Variants in CLASP1 observed in about 807,000 individuals in gnomAD.
CLASP1 encodes the protein cytoplasmic linker associated protein 1.
CLASP1 carries 38 observed loss-of-function variants against 192.3 expected under a neutral mutation model. The ratio of observed to expected loss-of-function variants is 0.20; its 90% confidence interval spans 0.15 to 0.26. The LOEUF is 0.26. Among genes scored for constraint, CLASP1 ranks in the 10% least tolerant of loss-of-function variants. CLASP1 has a pLI of 1.00. For missense variants in CLASP1, 1,433 were observed against 1,932.5 expected, an observed-to-expected ratio of 0.74 and a Z score of 4.85; for synonymous variants, 691 against 712.8, an observed-to-expected ratio of 0.97 and a Z score of 0.49.
intron 37 of CLASP1, among the ~76,000 whole-genome samples, chr2:121,355,171 CAG>C (rs1440974779): frequency 3.3e-5 from 5 of 152,108 alleles, no homozygotes; most frequent in East Asian, 1.9e-4. Flanking sequence ...TATTTTGAGA[CAG>C]AGTCTTGCTC....
intron 6 of CLASP1, among the ~76,000 whole-genome samples, chr2:121,523,265 T>C (rs2094497723): frequency 6.6e-6 from 1 of 152,254 alleles, no homozygotes; most frequent in Non-Finnish European, 1.5e-5. Flanking sequence ...TATCTTAAAC[T>C]CTTAAACAAC....
intron 1 of CLASP1, among the ~76,000 whole-genome samples, chr2:121,644,114 G>C (rs1224811463): frequency 1.3e-5 from 2 of 152,060 alleles, no homozygotes; most frequent in African/African-American, 4.8e-5. Flanking sequence ...ACAACCTATA[G>C]GTAGGTGCTA....
intron 1 of CLASP1, among the ~76,000 whole-genome samples, chr2:121,632,230 C>T (rs2106241323): frequency 6.6e-6 from 1 of 152,000 alleles, no homozygotes; most frequent in African/African-American, 2.4e-5. Flanking sequence ...GGCGACAGAG[C>T]TTTGTCTCAA....
intron 2 of CLASP1, among the ~76,000 whole-genome samples, chr2:121,602,051 T>C (rs2063846404): frequency 6.6e-6 from 1 of 151,874 alleles, no homozygotes; most frequent in Non-Finnish European, 1.5e-5. Context: ...GGTGCACGCC[T>C]GCAGTACCAG....
At chr2:121,537,405 A>G (rs181276337) in intron 2 of CLASP1, among the ~76,000 whole-genome samples, 12 of 151,202 alleles carry the variant, frequency 7.9e-5, no homozygotes, top group South Asian at 2.1e-4. Flanking sequence ...GAAAAAAAAA[A>G]AGAGAGAGAG....
intron 7 of CLASP1, chr2:121,505,501 C>T (rs1413887365): frequency 6.6e-6 from 1 of 151,820 alleles, no homozygotes. Flanking sequence ...CCTAAAGAGA[C>T]AGTCTAACAC....
chr2:121,605,960 A>C, exon 2 of CLASP1: 2 of 1,460,642 alleles, frequency 1.4e-6, no homozygotes, highest in Admixed American at 1.8e-5. Context: ...CTCCCAGCAG[A>C]CGTATCTGGG....
chr2:121,626,872 G>T (rs1428543046), intron 1 of CLASP1, among the ~76,000 whole-genome samples: 2 of 152,184 alleles, frequency 1.3e-5, no homozygotes, highest in Non-Finnish European at 2.9e-5. Context: ...ACAAAGGAAA[G>T]ATATATCCAC....
chr2:121,403,862 A>T, intron 26 of CLASP1: 1 of 452,718 alleles, frequency 2.2e-6, no homozygotes. Context: ...ATCCCCGTTC[A>T]GCAAATTCTT....
intron 8 of CLASP1, among the ~76,000 whole-genome samples, chr2:121,483,497 T>G (rs2092755701): frequency 6.6e-6 from 1 of 151,828 alleles, no homozygotes; most frequent in African/African-American, 2.4e-5. Flanking sequence ...TATATATGTG[T>G]GTATATATAT....
At position 121,498,348 on chromosome 2, in the gene CLASP1, CA is replaced by C. The variant is rs1419435202; in HGVS notation, c.712+4818del. Among the ~76,000 whole-genome samples the C allele has an allele frequency of 9.9e-5, 15 of 151,966 alleles. No homozygotes were observed. The South Asian group carries it at 2.9e-3, about 29-fold the overall frequency. On this transcript the variant is annotated intron_variant, in intron 8 of 39. Transcript: ENST00000263710. ...CCCACCACCCCCCCAGCTGGGACTACAGGGGTGCCCCACCACACCTGGCTAA... is the reference window on the plus strand; with the variant it reads ...CCCACCACCCCCCCAGCTGGGACTACGGGGTGCCCCACCACACCTGGCTAA...
intron 15 of CLASP1, 50 bp downstream of exon 15, chr2:121,451,740 C>T (rs374768634): frequency 6.9e-6 from 10 of 1,456,890 alleles, no homozygotes; most frequent in East Asian, 2.5e-5. Flanking sequence ...AAAGCATTCA[C>T]TCTAAAGGCT....
chr2:121,411,647 A>G (rs1282182300), intron 23 of CLASP1, among the ~76,000 whole-genome samples: 1 of 152,208 alleles, frequency 6.6e-6, no homozygotes, highest in Non-Finnish European at 1.5e-5. Flanking sequence ...CAATTTTTAT[A>G]CAGATAAACA....
intron 1 of CLASP1, among the ~76,000 whole-genome samples, chr2:121,611,405 A>T (rs2065454769): frequency 7.2e-6 from 1 of 139,228 alleles, no homozygotes; most frequent in East Asian, 2.2e-4. Context: ...CTGGAGGAGG[A>T]GGAGGAGTTA....
chr2:121,619,594 T>C (rs1386035727), intron 1 of CLASP1, among the ~76,000 whole-genome samples: 3 of 152,142 alleles, frequency 2.0e-5, no homozygotes, highest in East Asian at 1.9e-4. Flanking sequence ...CAGAAAATAA[T>C]AGAAACAAAT....
At chr2:121,585,891 C>T (rs1283086687) in intron 2 of CLASP1, among the ~76,000 whole-genome samples, 2 of 139,118 alleles carry the variant, frequency 1.4e-5, no homozygotes, top group Admixed American at 7.1e-5. Flanking sequence ...CAGAGCAAGA[C>T]TCCATCTCAA....
chr2:121,373,872 T>G (rs1573979681), intron 34 of CLASP1, among the ~76,000 whole-genome samples: 1 of 152,192 alleles, frequency 6.6e-6, no homozygotes, highest in Admixed American at 6.5e-5. Context: ...AACTAGAACC[T>G]ATATTTAAAA....
At chr2:121,461,164 G>C (rs2087850416) in exon 11 of CLASP1, 1 of 1,600,314 alleles carries the variant, frequency 6.2e-7, no homozygotes, top group East Asian at 2.3e-5. Context: ...TTTTGTTTAT[G>C]GATTCCTCAA....
intron 33 of CLASP1, 97 bp downstream of exon 34, chr2:121,382,111 T>C (rs1489800006): frequency 2.2e-6 from 2 of 893,824 alleles, no homozygotes; most frequent in South Asian, 1.4e-5. Context: ...GGGACCACAC[T>C]GGAGGCAGCT....
Sources: allele counts gnomAD v4.1 joint callset (sites outside exome capture counted in the v4.1 genomes callset), GRCh38; gene constraint gnomAD v4.1.1; transcripts MANE v1.5; gene names NCBI Gene and HGNC (gene_info 2026-07-23, HGNC 2026-07-21).